COX7B2: variants seen among roughly 807,000 people sequenced by gnomAD.
COX7B2 encodes the protein cytochrome c oxidase subunit 7B2, mitochondrial.
For synonymous variants in COX7B2, 37 were observed against 32.1 expected, an observed-to-expected ratio of 1.15 and a Z score of -0.51; for missense variants, 109 against 95.9, an observed-to-expected ratio of 1.14 and a Z score of -0.57.
rs543659109 is a variant in COX7B2, at chr4:46,785,518, A to G, written c.-49-50277T>C. 1.2e-3 allele frequency among the ~76,000 whole-genome samples: 186 copies of G among 152,048 alleles called. 1 individual carries two copies. The highest frequency in any genetic ancestry group is 4.2e-3 in the African/African-American group (176 of 41,500). On this transcript the variant is annotated intron_variant, in intron 2 of 2. Coordinates refer to ENST00000355591, the MANE Select transcript of COX7B2 (RefSeq NM_130902.3). ...CTCCCGAGTAGCTGGGACTACAGGC[A>G]CCCGCCACCACACCCGGCTATGATA...
At chr4:46,880,930 A>G (rs1577691822) in intron 1 of COX7B2, among the ~76,000 whole-genome samples, 1 of 147,194 alleles carries the variant, frequency 6.8e-6, no homozygotes, top group Non-Finnish European at 1.5e-5. Context: ...CCAGCATGGC[A>G]CATGTATACA....
chr4:46,902,719 A>G (rs988979825), intron 1 of COX7B2, among the ~76,000 whole-genome samples: 2 of 152,190 alleles, frequency 1.3e-5, no homozygotes, highest in Non-Finnish European at 2.9e-5. Context: ...TCTACTAAAA[A>G]TACAAAAATT....
chr4:46,758,563 A>C (rs1449620728), intron 2 of COX7B2, among the ~76,000 whole-genome samples: 3 of 152,184 alleles, frequency 2.0e-5, no homozygotes, highest in African/African-American at 7.2e-5. Context: ...CTATCTCAGC[A>C]AGAAAATAAC....
At chr4:46,779,829 G>T (rs1474211650) in intron 2 of COX7B2, among the ~76,000 whole-genome samples, 1 of 151,824 alleles carries the variant, frequency 6.6e-6, no homozygotes, top group Non-Finnish European at 1.5e-5. Flanking sequence ...GGATGGAGTG[G>T]GGGGAAGCAA....
intron 2 of COX7B2, among the ~76,000 whole-genome samples, chr4:46,819,328 C>A (rs1435926364): frequency 6.6e-6 from 1 of 152,134 alleles, no homozygotes; most frequent in Non-Finnish European, 1.5e-5. Flanking sequence ...ATGCTAAGGG[C>A]TGGAGGCAGA....
At chr4:46,898,840 C>A (rs1054834643) in intron 1 of COX7B2, among the ~76,000 whole-genome samples, 1 of 152,142 alleles carries the variant, frequency 6.6e-6, no homozygotes, top group Non-Finnish European at 1.5e-5. Context: ...AGCCCTATAT[C>A]CTTTTGCATA....
At chr4:46,895,031 C>A (rs1052768115) in intron 1 of COX7B2, among the ~76,000 whole-genome samples, 1 of 151,904 alleles carries the variant, frequency 6.6e-6, no homozygotes, top group South Asian at 2.1e-4. Flanking sequence ...GCCAAGCAAC[C>A]GTTGGTGGTG....
At chr4:46,749,108 T>C (rs1715192855) in intron 2 of COX7B2, among the ~76,000 whole-genome samples, 1 of 152,150 alleles carries the variant, frequency 6.6e-6, no homozygotes, top group Non-Finnish European at 1.5e-5. Flanking sequence ...TTTGTTTCTA[T>C]ATCTAAAGTT....
At chr4:46,906,088 C>A (rs990524649) in intron 1 of COX7B2, among the ~76,000 whole-genome samples, 3 of 152,042 alleles carry the variant, frequency 2.0e-5, no homozygotes, top group Non-Finnish European at 4.4e-5. Context: ...CTCGGCCTCC[C>A]AAAGTGCTGG....
At chr4:46,803,545 T>G (rs1186875752) in intron 2 of COX7B2, among the ~76,000 whole-genome samples, 1 of 152,004 alleles carries the variant, frequency 6.6e-6, no homozygotes, top group African/African-American at 2.4e-5. Flanking sequence ...CCTTTAAGAG[T>G]CTCAAACTAT....
intron 2 of COX7B2, among the ~76,000 whole-genome samples, chr4:46,778,150 T>G (rs1717258291): frequency 6.6e-6 from 1 of 151,788 alleles, no homozygotes; most frequent in Admixed American, 6.6e-5. Flanking sequence ...GAGGGAAGAG[T>G]GTGGAATGTG....
intron 2 of COX7B2, among the ~76,000 whole-genome samples, chr4:46,833,663 A>G (rs553359261): frequency 1.7e-4 from 26 of 152,308 alleles, no homozygotes; most frequent in Non-Finnish European, 1.0e-4. Flanking sequence ...GGAATTGATG[A>G]CTATGAGACC....
intron 2 of COX7B2, among the ~76,000 whole-genome samples, chr4:46,835,984 C>G (rs183696174): frequency 3.7e-4 from 56 of 152,104 alleles, no homozygotes; most frequent in Middle Eastern, 3.4e-3. Flanking sequence ...AGAAAAGGTA[C>G]AGTAAAAATA....
At chr4:46,759,929 A>ATCTTATATAAGTTATATAAG (rs1249286759) in intron 2 of COX7B2, among the ~76,000 whole-genome samples, 19 of 150,224 alleles carry the variant, frequency 1.3e-4, no homozygotes, top group Admixed American at 8.7e-4. Context: ...TATAAGTCTT[A>ATCTTATATAAGTTATATAAG]TCTTATATGT....
At chr4:46,857,865 GTTGTT>G (rs767754273) in intron 1 of COX7B2, among the ~76,000 whole-genome samples, 1 of 152,052 alleles carries the variant, frequency 6.6e-6, no homozygotes, top group Non-Finnish European at 1.5e-5. Flanking sequence ...GCTTTTTTGT[GTTGTT>G]TTGTTTTGTT....
intron 1 of COX7B2, among the ~76,000 whole-genome samples, chr4:46,908,370 A>T (rs1720534504): frequency 6.6e-6 from 1 of 152,166 alleles, no homozygotes; most frequent in South Asian, 2.1e-4. Flanking sequence ...CCCGTTTAAT[A>T]GGGATGCCTC....
intron 1 of COX7B2, among the ~76,000 whole-genome samples, chr4:46,852,737 A>G (rs6847738): frequency 0.12 from 17,999 of 152,172 alleles, 1,177 homozygotes; most frequent in South Asian, 0.21. Flanking sequence ...GAGTCACCCA[A>G]TGCACATTAT....
chr4:46,902,265 A>G (rs180951701), intron 1 of COX7B2, among the ~76,000 whole-genome samples: 41 of 152,304 alleles, frequency 2.7e-4, no homozygotes, highest in Admixed American at 2.7e-3. Flanking sequence ...TTCTTCTTCT[A>G]AAGTCGACGA....
At chr4:46,798,157 C>T (rs1718459632) in intron 2 of COX7B2, among the ~76,000 whole-genome samples, 1 of 152,106 alleles carries the variant, frequency 6.6e-6, no homozygotes, top group Admixed American at 6.5e-5. Context: ...CAAAAAAATG[C>T]ACAGGCCTTC....
Sources: allele counts gnomAD v4.1 joint callset (sites outside exome capture counted in the v4.1 genomes callset), GRCh38; gene constraint gnomAD v4.1.1; transcripts MANE v1.5; gene names NCBI Gene and HGNC (gene_info 2026-07-23, HGNC 2026-07-21).